KCNMA1: variants seen among roughly 807,000 people sequenced by gnomAD.
The protein encoded by KCNMA1 is potassium calcium-activated channel subfamily M alpha 1, also known as Calcium-activated potassium channel subunit alpha-1.
KCNMA1 carries 29 observed loss-of-function variants against 140.0 expected under a neutral mutation model. That is an observed-to-expected ratio of 0.21 (90% CI 0.15 to 0.28). The LOEUF (loss-of-function observed/expected upper bound fraction) is 0.28, where lower values mean the gene tolerates loss of function less well. Ranked by LOEUF, KCNMA1 falls within the 10% of genes least tolerant of loss-of-function variation. The pLI is 1.00. For missense variants in KCNMA1, 880 were observed against 1,602.2 expected, an observed-to-expected ratio of 0.55 and a Z score of 7.70; for synonymous variants, 612 against 611.9, an observed-to-expected ratio of 1.00 and a Z score of 0.00.
intron 3 of KCNMA1, among the ~76,000 whole-genome samples, chr10:77,236,008 A>G (rs973306708): frequency 6.6e-6 from 1 of 152,092 alleles, no homozygotes; most frequent in African/African-American, 2.4e-5. Context: ...AAAGTCTAAC[A>G]ATGTCATTTA....
At chr10:77,310,354 G>A (rs546825427) in intron 2 of KCNMA1, among the ~76,000 whole-genome samples, 1 of 152,024 alleles carries the variant, frequency 6.6e-6, no homozygotes, top group East Asian at 1.9e-4. Flanking sequence ...CTGAGATCTC[G>A]ATCCAAAAGG....
intron 1 of KCNMA1, among the ~76,000 whole-genome samples, chr10:77,522,470 G>C (rs1377710769): frequency 6.6e-6 from 1 of 152,174 alleles, no homozygotes; most frequent in African/African-American, 2.4e-5. Context: ...TTGAATAACT[G>C]TCGGGAACAG....
intron 14 of KCNMA1, among the ~76,000 whole-genome samples, chr10:77,066,540 T>C (rs1295469091): frequency 1.3e-5 from 2 of 152,158 alleles, no homozygotes; most frequent in Non-Finnish European, 2.9e-5. Flanking sequence ...AATGTAGGTG[T>C]TGAGCAGCAG....
At chr10:77,491,879 G>T (rs1003653909) in intron 1 of KCNMA1, among the ~76,000 whole-genome samples, 6 of 152,130 alleles carry the variant, frequency 3.9e-5, no homozygotes, top group South Asian at 2.1e-4. Flanking sequence ...TCTGTGACAG[G>T]CATTTGTGAC....
At chr10:77,011,910 G>A in intron 18 of KCNMA1, 57 bp downstream of exon 18, 1 of 1,452,976 alleles carries the variant, frequency 6.9e-7, no homozygotes. Flanking sequence ...GGAAGGAAAA[G>A]GAATTTGGGG....
chr10:77,443,216 A>G (rs976367976), intron 1 of KCNMA1, among the ~76,000 whole-genome samples: 1 of 152,140 alleles, frequency 6.6e-6, no homozygotes, highest in East Asian at 1.9e-4. Context: ...TGTTTTCCCA[A>G]TGGAAAGCTT....
At chr10:77,346,578 C>T (rs944133202) in intron 2 of KCNMA1, among the ~76,000 whole-genome samples, 1 of 152,204 alleles carries the variant, frequency 6.6e-6, no homozygotes, top group African/African-American at 2.4e-5. Context: ...TTTCTTCCCC[C>T]AATCAGCTAG....
rs2098485772 is a variant in KCNMA1, at chr10:77,156,487, G to A, written c.808+26934C>T. On this transcript the variant is annotated intron_variant, in intron 5 of 27. Coordinates refer to ENST00000286628, the MANE Select transcript of KCNMA1 (RefSeq NM_001161352.2). The stretch of plus-strand genomic sequence containing the variant: ...CCAAGCTACCCTTAGTCATTCCTGG[G>A]CATAGGCCAAGCTAACTTTGGGAGG... Among the ~76,000 whole-genome samples, 5 of 152,148 alleles carry A rather than the reference G, an allele frequency of 3.3e-5. No homozygotes were observed. The South Asian group carries it at 1.0e-3, about 32-fold the overall frequency.
At chr10:77,454,031 A>G (rs749745524) in intron 1 of KCNMA1, among the ~76,000 whole-genome samples, 2 of 152,194 alleles carry the variant, frequency 1.3e-5, no homozygotes, top group Non-Finnish European at 2.9e-5. Context: ...AGACCCAAAA[A>G]AGATCAAACT....
intron 2 of KCNMA1, among the ~76,000 whole-genome samples, chr10:77,332,426 C>T (rs10824528): frequency 0.14 from 21,328 of 152,150 alleles, 2,042 homozygotes; most frequent in African/African-American, 0.27. Context: ...CCAGCTGCTG[C>T]CACCTTCTGC....
intron 1 of KCNMA1, among the ~76,000 whole-genome samples, chr10:77,517,282 G>A (rs2050897585): frequency 1.3e-5 from 2 of 152,236 alleles, no homozygotes; most frequent in African/African-American, 2.4e-5. Flanking sequence ...TGGGCCAGAG[G>A]CAATTCCACA....
chr10:77,127,771 G>A (rs1048976046), intron 5 of KCNMA1, among the ~76,000 whole-genome samples: 2 of 152,034 alleles, frequency 1.3e-5, no homozygotes, highest in African/African-American at 2.4e-5. Flanking sequence ...TCAGGAGTTC[G>A]AGACCAGCCT....
At chr10:77,418,152 C>G (rs1271228306) in intron 1 of KCNMA1, among the ~76,000 whole-genome samples, 1 of 152,152 alleles carries the variant, frequency 6.6e-6, no homozygotes, top group Non-Finnish European at 1.5e-5. Flanking sequence ...ATTCAACAGC[C>G]CAGGGAAAGG....
At chr10:77,195,572 T>A (rs917617881) in intron 3 of KCNMA1, among the ~76,000 whole-genome samples, 3 of 152,220 alleles carry the variant, frequency 2.0e-5, no homozygotes, top group African/African-American at 7.2e-5. Context: ...TTTTCCTTTT[T>A]TTTTCTTTCC....
At chr10:77,512,876 C>T (rs997004086) in intron 1 of KCNMA1, among the ~76,000 whole-genome samples, 2 of 152,218 alleles carry the variant, frequency 1.3e-5, no homozygotes, top group Non-Finnish European at 1.5e-5. Flanking sequence ...GTCCAAGCCA[C>T]CGTTCCACTA....
chr10:76,897,114 T>C (rs1197902138), intron 25 of KCNMA1, among the ~76,000 whole-genome samples: 1 of 151,996 alleles, frequency 6.6e-6, no homozygotes, highest in Non-Finnish European at 1.5e-5. Flanking sequence ...GGGATTTTTG[T>C]TTGTTTGTTT....
chr10:77,370,356 T>A (rs1444201264), intron 2 of KCNMA1, among the ~76,000 whole-genome samples: 1 of 152,114 alleles, frequency 6.6e-6, no homozygotes, highest in Non-Finnish European at 1.5e-5. Context: ...GGGACAGCCA[T>A]GCTGGAATGC....
intron 2 of KCNMA1, among the ~76,000 whole-genome samples, chr10:77,327,888 G>T (rs2084809451): frequency 6.6e-6 from 1 of 152,146 alleles, no homozygotes; most frequent in Non-Finnish European, 1.5e-5. Flanking sequence ...CTACTATAAA[G>T]TGGGGATTTT....
intron 17 of KCNMA1, among the ~76,000 whole-genome samples, chr10:77,016,370 T>C (rs1246627517): frequency 1.3e-5 from 2 of 152,126 alleles, no homozygotes; most frequent in Non-Finnish European, 2.9e-5. Flanking sequence ...CCCACGAGAG[T>C]TGGGACTTCT....
Sources: gnomAD v4.1 joint callset for allele counts (sites outside exome capture counted in the v4.1 genomes callset) on GRCh38, gnomAD v4.1.1 for gene constraint, MANE v1.5 for transcripts, NCBI Gene and HGNC (gene_info 2026-07-23, HGNC 2026-07-21) for gene names.